THSD7B: variants seen among roughly 807,000 people sequenced by gnomAD.
THSD7B encodes the protein thrombospondin type-1 domain-containing protein 7B.
A neutral mutation model predicts 213.6 loss-of-function variants in THSD7B; 138 were observed. The observed-to-expected ratio is 0.65, with a 90% CI of 0.56 to 0.74. The LOEUF (loss-of-function observed/expected upper bound fraction) is 0.74, where lower values mean the gene tolerates loss of function less well. Ranked by LOEUF, THSD7B falls within the 30% of genes least tolerant of loss-of-function variation. The pLI is 0.00. For missense variants in THSD7B, 1,931 were observed against 1,991.5 expected, an observed-to-expected ratio of 0.97 and a Z score of 0.58; for synonymous variants, 742 against 687.0, an observed-to-expected ratio of 1.08 and a Z score of -1.25.
intron 12 of THSD7B, among the ~76,000 whole-genome samples, chr2:137,402,971 T>C (rs1686406470): frequency 6.6e-6 from 1 of 152,184 alleles, no homozygotes; most frequent in Admixed American, 6.5e-5. Context: ...ATTGGTTATC[T>C]AAACAAGCAA....
chr2:137,293,755 T>C (rs1683393490), intron 12 of THSD7B, among the ~76,000 whole-genome samples: 1 of 152,120 alleles, frequency 6.6e-6, no homozygotes, highest in South Asian at 2.1e-4. Context: ...TATTCTCCTG[T>C]CTCCCTTCTT....
chr2:137,435,232 G>C (rs2105045764), intron 14 of THSD7B, among the ~76,000 whole-genome samples: 1 of 152,190 alleles, frequency 6.6e-6, no homozygotes, highest in Non-Finnish European at 1.5e-5. Context: ...GGTTATTGGA[G>C]CCATGCCTGA....
chr2:137,616,369 A>G (rs892412921), intron 18 of THSD7B, 53 bp downstream of exon 18: 2 of 1,540,382 alleles, frequency 1.3e-6, no homozygotes, highest in Admixed American at 3.6e-5. Context: ...GACTAATGAG[A>G]GAATTTTTGC....
chr2:137,559,853 C>G (rs1205666215), intron 15 of THSD7B, among the ~76,000 whole-genome samples: 1 of 152,080 alleles, frequency 6.6e-6, no homozygotes, highest in African/African-American at 2.4e-5. Context: ...ACAAAGAACT[C>G]AAACAAATTT....
chr2:137,612,220 G>A (rs1558859448), intron 17 of THSD7B, among the ~76,000 whole-genome samples: 2 of 152,178 alleles, frequency 1.3e-5, no homozygotes, highest in East Asian at 3.9e-4. Flanking sequence ...AATTATAATG[G>A]TTCAAATGCA....
intron 15 of THSD7B, among the ~76,000 whole-genome samples, chr2:137,557,748 A>T (rs1277692251): frequency 2.0e-5 from 3 of 152,142 alleles, no homozygotes; most frequent in Non-Finnish European, 4.4e-5. Context: ...GACACAAAAA[A>T]CCCTTCAAAA....
intron 4 of THSD7B, among the ~76,000 whole-genome samples, chr2:137,114,601 A>C (rs539348117): frequency 2.0e-5 from 3 of 152,368 alleles, no homozygotes; most frequent in African/African-American, 7.2e-5. Context: ...TTTTATGTGA[A>C]TGACATGAAG....
intron 2 of THSD7B, among the ~76,000 whole-genome samples, chr2:136,885,181 A>C (rs1683696566): frequency 6.6e-6 from 1 of 152,126 alleles, no homozygotes; most frequent in Admixed American, 6.5e-5. Flanking sequence ...GAAACCTAGA[A>C]ACCATTCTCT....
chr2:137,269,762 G>A (rs1682691237), intron 10 of THSD7B, among the ~76,000 whole-genome samples: 1 of 152,168 alleles, frequency 6.6e-6, no homozygotes, highest in Admixed American at 6.6e-5. Flanking sequence ...ATGATGCAGA[G>A]CTATCTTGGT....
At chr2:136,965,450 A>T (rs1685297932) in intron 2 of THSD7B, among the ~76,000 whole-genome samples, 1 of 152,224 alleles carries the variant, frequency 6.6e-6, no homozygotes, top group Non-Finnish European at 1.5e-5. Flanking sequence ...CATTTGAGCC[A>T]AGACCTGGAG....
intron 2 of THSD7B, among the ~76,000 whole-genome samples, chr2:137,052,132 A>G (rs979836735): frequency 6.6e-6 from 1 of 152,230 alleles, no homozygotes; most frequent in African/African-American, 2.4e-5. Context: ...TACCCTTCCA[A>G]GTCCAAAGAA....
chr2:137,492,310 A>T (rs769925972), intron 15 of THSD7B, among the ~76,000 whole-genome samples: 15 of 152,086 alleles, frequency 9.9e-5, no homozygotes, highest in Non-Finnish European at 1.9e-4. Context: ...CAGATTCAAC[A>T]TCCCTACCCA....
At chr2:137,440,186 C>G in intron 14 of THSD7B, among the ~76,000 whole-genome samples, 1 of 152,152 alleles carries the variant, frequency 6.6e-6, no homozygotes, top group Non-Finnish European at 1.5e-5. Flanking sequence ...TCATGATCCT[C>G]TTCCAAATCA....
intron 2 of THSD7B, among the ~76,000 whole-genome samples, chr2:137,049,035 C>T (rs1020734669): frequency 6.6e-6 from 1 of 152,212 alleles, no homozygotes; most frequent in Non-Finnish European, 1.5e-5. Context: ...TCCACTTCTC[C>T]AGGGAATCCA....
intron 2 of THSD7B, among the ~76,000 whole-genome samples, chr2:136,984,457 C>A (rs894837668): frequency 1.3e-5 from 2 of 152,130 alleles, no homozygotes; most frequent in Admixed American, 1.3e-4. Flanking sequence ...TTCTCTTGCT[C>A]CTGCTCTCAC....
At chr2:137,517,037 A>G (rs1399177777) in intron 15 of THSD7B, among the ~76,000 whole-genome samples, 3 of 152,210 alleles carry the variant, frequency 2.0e-5, no homozygotes, top group African/African-American at 7.2e-5. Flanking sequence ...TGCTGTACCA[A>G]TTGTGGTTTA....
chr2:136,805,253 C>T lies in THSD7B; in HGVS notation c.-36+39566C>T, dbSNP rs77249845. ...TTCTCTCTTTTCAGCCCCCTTCAAC[C>T]GATAAAACTTCTGTTGGAGTAGCCA... On this transcript the variant is annotated intron_variant, in intron 1 of 27. Coordinates refer to ENST00000409968, the MANE Select transcript of THSD7B (RefSeq NM_001316349.2). 1.6e-3 allele frequency among the ~76,000 whole-genome samples: 237 copies of T among 152,184 alleles called. 3 individuals are homozygous for T. In the East Asian group the frequency reaches 0.038, roughly 24 times the overall value.
chr2:137,201,267 G>T (rs1426975693), intron 7 of THSD7B, among the ~76,000 whole-genome samples: 3 of 152,124 alleles, frequency 2.0e-5, no homozygotes, highest in Admixed American at 1.3e-4. Flanking sequence ...ACATTCTGGG[G>T]TGTGTGTGCA....
chr2:137,366,638 T>C (rs1685414857), intron 12 of THSD7B, among the ~76,000 whole-genome samples: 1 of 150,908 alleles, frequency 6.6e-6, no homozygotes, highest in Non-Finnish European at 1.5e-5. Flanking sequence ...AAAAAAAAAA[T>C]AGAAGAAAAA....
Sources: gnomAD v4.1 joint callset for allele counts (sites outside exome capture counted in the v4.1 genomes callset) on GRCh38, gnomAD v4.1.1 for gene constraint, MANE v1.5 for transcripts, NCBI Gene and HGNC (gene_info 2026-07-23, HGNC 2026-07-21) for gene names.